PLEKHM3: variants seen among roughly 807,000 people sequenced by gnomAD.
The protein encoded by PLEKHM3 is pleckstrin homology domain-containing family M member 3.
Under a neutral mutation model 81.8 loss-of-function variants are expected in PLEKHM3, and 45 were observed. The ratio of observed to expected loss-of-function variants is 0.55; its 90% CI spans 0.43 to 0.71. The LOEUF is 0.71. Ranked by LOEUF, PLEKHM3 falls within the 30% of genes least tolerant of loss-of-function variation. The pLI is 0.00. For synonymous variants in PLEKHM3, 352 were observed against 356.4 expected (o/e 0.99, Z 0.14); for missense variants, 788 against 924.3 (o/e 0.85, Z 1.91).
Position 207,822,693 on chromosome 2 carries a change from C to T in PLEKHM3, c.*5626G>A, listed in dbSNP as rs1225445775. The T allele has an allele frequency of 1.3e-5, 2 of 152,316 alleles. No homozygotes were observed. Among genetic ancestry groups the T allele is most frequent in the Non-Finnish European group, 2.9e-5 (2 of 68,052 alleles). 9.4% of individuals were successfully genotyped at this position (152,316 alleles called of 1,614,324 possible). ...ACAAGGTGAGAGTTCTGACATGCAT[C>T]ATGGAATGCACAGGCTCCAAGAGCA... is the stretch of plus-strand genomic sequence containing the variant. On this transcript the variant is annotated 3_prime_UTR_variant, in exon 8 of 8. Coordinates refer to ENST00000427836, the MANE Select transcript of PLEKHM3 (RefSeq NM_001080475.3).
At chr2:208,016,273 A>G (rs923705734) in intron 1 of PLEKHM3, among the ~76,000 whole-genome samples, 6 of 152,170 alleles carry the variant, frequency 3.9e-5, no homozygotes, top group Non-Finnish European at 8.8e-5. Flanking sequence ...GGACGGGCAA[A>G]TATCAATGTA....
rs369215243 is a variant in PLEKHM3, at chr2:207,834,679, C to G, written c.2109-6183G>C. On this transcript the variant is annotated intron_variant, in intron 7 of 7. Coordinates refer to ENST00000427836, the MANE Select transcript of PLEKHM3 (RefSeq NM_001080475.3). ...ACCTCAGGTGATCCACCTGCCTCGG[C>G]CTCCCAAAGTGCTGGGATTACAGGC... Among the ~76,000 whole-genome samples the G allele has an allele frequency of 1.4e-4, 21 of 152,156 alleles. No individual in the cohort carries two copies. The East Asian group carries it at 3.7e-3, about 27-fold the overall frequency.
chr2:207,901,221 G>A (rs763484411), intron 6 of PLEKHM3: 16 of 702,274 alleles, frequency 2.3e-5, no homozygotes, highest in Non-Finnish European at 3.1e-5. Flanking sequence ...CCTTAGTGCC[G>A]CACATTTGCT....
intron 6 of PLEKHM3, among the ~76,000 whole-genome samples, chr2:207,874,968 T>C (rs2092553376): frequency 6.6e-6 from 1 of 151,958 alleles, no homozygotes; most frequent in African/African-American, 2.4e-5. Context: ...AACTATAACA[T>C]TAGGGAAAAA....
intron 1 of PLEKHM3, among the ~76,000 whole-genome samples, chr2:208,020,053 CAT>C (rs1191961987): frequency 6.6e-6 from 1 of 152,210 alleles, no homozygotes; most frequent in Non-Finnish European, 1.5e-5. Flanking sequence ...ACCTGCAACA[CAT>C]GTTTTTTGTT....
rs10451577 is a variant in PLEKHM3 at position 207,856,334 on chromosome 2, T to A, written c.2108+4771A>T. Among the ~76,000 whole-genome samples the A allele has an allele frequency of 2.2e-3, 339 of 152,002 alleles. 8 individuals are homozygous for A. In the South Asian group the frequency reaches 0.043, roughly 19 times the overall value. The stretch of plus-strand genomic sequence containing the variant: ...GATATATCATTATTAACTAAAGTCC[T>A]CCATTTGAGTTAAGGCTCACTCTGT... On this transcript the variant is annotated intron_variant, in intron 7 of 7. Transcript: ENST00000427836.
At chr2:207,993,923 T>G (rs927285727) in intron 2 of PLEKHM3, among the ~76,000 whole-genome samples, 1 of 152,220 alleles carries the variant, frequency 6.6e-6, no homozygotes, top group African/African-American at 2.4e-5. Context: ...TTAAATAATT[T>G]CAACCATACC....
chr2:207,956,432 C>T (rs1413976766), intron 3 of PLEKHM3, among the ~76,000 whole-genome samples: 1 of 151,856 alleles, frequency 6.6e-6, no homozygotes, highest in East Asian at 1.9e-4. Context: ...AAGATTGAAC[C>T]ATTGCACTCC....
intron 7 of PLEKHM3, among the ~76,000 whole-genome samples, chr2:207,835,175 C>T (rs1172522027): frequency 6.6e-6 from 1 of 151,740 alleles, no homozygotes; most frequent in African/African-American, 2.4e-5. Context: ...GAACTCCTGA[C>T]CTTGTGATCC....
intron 6 of PLEKHM3, among the ~76,000 whole-genome samples, chr2:207,888,195 T>C (rs1312480614): frequency 6.6e-6 from 1 of 152,160 alleles, no homozygotes; most frequent in Non-Finnish European, 1.5e-5. Flanking sequence ...TCCACAGACC[T>C]TTTCATTGCT....
chr2:207,936,175 T>C (rs1244161146), intron 4 of PLEKHM3, among the ~76,000 whole-genome samples: 2 of 152,156 alleles, frequency 1.3e-5, no homozygotes, highest in Non-Finnish European at 2.9e-5. Context: ...TTTGTAGAGA[T>C]AGGGTCTTGC....
intron 1 of PLEKHM3, among the ~76,000 whole-genome samples, chr2:208,023,526 G>A (rs1693197855): frequency 1.3e-5 from 2 of 151,322 alleles, no homozygotes. Context: ...ACGCATTGCT[G>A]TTTGAGCTCC....
chr2:207,929,264 TA>T (rs1689507979), intron 5 of PLEKHM3, among the ~76,000 whole-genome samples: 1 of 152,232 alleles, frequency 6.6e-6, no homozygotes, highest in South Asian at 2.1e-4. Flanking sequence ...TAAGGCACAG[TA>T]CATGGTGGTA....
intron 7 of PLEKHM3, among the ~76,000 whole-genome samples, chr2:207,844,469 A>ATTTT (rs74889084): frequency 7.2e-6 from 1 of 138,348 alleles, no homozygotes; most frequent in Non-Finnish European, 1.6e-5. Flanking sequence ...CGCCCGGAGA[A>ATTTT]TTTTTTTTTT....
chr2:208,014,904 T>C (rs1692839349), intron 1 of PLEKHM3, among the ~76,000 whole-genome samples: 5 of 152,252 alleles, frequency 3.3e-5, no homozygotes, highest in Admixed American at 3.3e-4. Context: ...CTGCTACGGC[T>C]ATGCTAATCT....
At chr2:207,965,634 T>A (rs1004050767) in intron 3 of PLEKHM3, among the ~76,000 whole-genome samples, 3 of 152,222 alleles carry the variant, frequency 2.0e-5, no homozygotes, top group Admixed American at 6.5e-5. Flanking sequence ...ATGAAATAGT[T>A]TAAAACACAA....
chr2:207,931,374 AGAACGGCACAG>A, intron 4 of PLEKHM3, among the ~76,000 whole-genome samples: 1 of 152,344 alleles, frequency 6.6e-6, no homozygotes, highest in African/African-American at 2.4e-5. Context: ...CACATGTGAC[AGAACGGCACAG>A]TATGGTGCCG....
chr2:207,943,883 A>AG (rs1690031938), intron 4 of PLEKHM3, among the ~76,000 whole-genome samples: 2 of 151,500 alleles, frequency 1.3e-5, no homozygotes, highest in South Asian at 2.1e-4. Context: ...AAAAAAAAAA[A>AG]AAAAAAAAGA....
intron 6 of PLEKHM3, among the ~76,000 whole-genome samples, chr2:207,868,126 AG>A (rs1264055951): frequency 6.6e-6 from 1 of 152,194 alleles, no homozygotes; most frequent in African/African-American, 2.4e-5. Context: ...AGTCCTCAAC[AG>A]GGCTCAGCGT....
Sources: gnomAD v4.1 joint callset for allele counts (sites outside exome capture counted in the v4.1 genomes callset) on GRCh38, gnomAD v4.1.1 for gene constraint, MANE v1.5 for transcripts, NCBI Gene and HGNC (gene_info 2026-07-23, HGNC 2026-07-21) for gene names.